Variants in PARM1 observed in about 807,000 individuals in gnomAD.
PARM1 encodes the protein prostate androgen-regulated mucin-like protein 1.
Under a neutral mutation model 24.6 loss-of-function variants are expected in PARM1, and 14 were observed. The observed-to-expected ratio is 0.57, with a 90% CI of 0.38 to 0.89. The LOEUF is 0.89. Among genes scored for constraint, PARM1 ranks in the 40% least tolerant of loss-of-function variants. PARM1 has a pLI of 0.00. For missense variants in PARM1, 362 were observed against 380.4 expected (o/e 0.95, Z 0.40); for synonymous variants, 179 against 156.6 (o/e 1.14, Z -1.07).
At chr4:74,936,461 G>GTTTTT (rs149444141) in intron 1 of PARM1, among the ~76,000 whole-genome samples, 14 of 114,396 alleles carry the variant, frequency 1.2e-4, no homozygotes, top group Non-Finnish European at 2.4e-4. Context: ...TTGTTTTTTT[G>GTTTTT]TTTTTTTTTT....
At chr4:74,993,640 GT>G (rs1722519926) in intron 1 of PARM1, among the ~76,000 whole-genome samples, 1 of 152,104 alleles carries the variant, frequency 6.6e-6, no homozygotes, top group African/African-American at 2.4e-5. Context: ...ATAATTGAGT[GT>G]TTCAGGTAAA....
chr4:74,940,516 G>A (rs1324434686), intron 1 of PARM1, among the ~76,000 whole-genome samples: 1 of 152,128 alleles, frequency 6.6e-6, no homozygotes, highest in Non-Finnish European at 1.5e-5. Context: ...AGCCCTCTGG[G>A]GCCTCTTTTA....
At chr4:74,983,239 A>C (rs1722292937) in intron 1 of PARM1, among the ~76,000 whole-genome samples, 1 of 152,228 alleles carries the variant, frequency 6.6e-6, no homozygotes, top group Non-Finnish European at 1.5e-5. Context: ...TGGTCACTGA[A>C]TATGGTCTGG....
intron 1 of PARM1, among the ~76,000 whole-genome samples, chr4:74,958,094 G>C (rs1721681511): frequency 6.6e-6 from 1 of 152,194 alleles, no homozygotes; most frequent in Admixed American, 6.5e-5. Context: ...CTCCCTGCCT[G>C]AAGGTGGTGG....
In PARM1 at chr4:75,048,625, C is replaced by G. The variant is rs1723658514; in HGVS notation, c.*2378C>G. The G allele has an allele frequency of 6.6e-6, 1 of 152,438 alleles. No individual in the cohort carries two copies. The highest frequency in any genetic ancestry group is 6.5e-5 in the Admixed American group (1 of 15,280). The allele number at this position is 152,438 out of a possible 1,614,324, so 9.4% of individuals were successfully genotyped here. On this transcript the variant is annotated 3_prime_UTR_variant, in exon 4 of 4. Coordinates refer to ENST00000307428, the MANE Select transcript of PARM1 (RefSeq NM_015393.4). ...TCCTGGGGCAAGGGATCAGCCTCTT[C>G]CCAGGAACCATCGCCTTCTATAAAC...
intron 1 of PARM1, among the ~76,000 whole-genome samples, chr4:74,984,692 A>G (rs558183833): frequency 1.3e-5 from 2 of 152,242 alleles, no homozygotes; most frequent in Non-Finnish European, 2.9e-5. Flanking sequence ...TGTCATTAAC[A>G]TAGCGTAGAC....
chr4:75,015,285 C>T (rs1475401631), intron 2 of PARM1, among the ~76,000 whole-genome samples: 1 of 152,154 alleles, frequency 6.6e-6, no homozygotes, highest in Non-Finnish European at 1.5e-5. Context: ...TCTTGATTTC[C>T]TCAACTCTAG....
At chr4:74,950,450 C>T (rs1700665620) in intron 1 of PARM1, among the ~76,000 whole-genome samples, 1 of 152,158 alleles carries the variant, frequency 6.6e-6, no homozygotes, top group Admixed American at 6.5e-5. Context: ...GTCCAAACTT[C>T]CCTCTTACAA....
At chr4:75,004,557 T>G (rs777831026) in intron 1 of PARM1, among the ~76,000 whole-genome samples, 2 of 152,122 alleles carry the variant, frequency 1.3e-5, no homozygotes, top group Non-Finnish European at 2.9e-5. Flanking sequence ...CATGGGATAC[T>G]CCAGGAGCTT....
At chr4:74,975,280 A>G (rs759971518) in intron 1 of PARM1, among the ~76,000 whole-genome samples, 17 of 152,252 alleles carry the variant, frequency 1.1e-4, no homozygotes, top group Non-Finnish European at 2.2e-4. Flanking sequence ...AGTCATAACA[A>G]GACACTGCAG....
rs1400907038 is a variant in PARM1 at position 75,013,095 on chromosome 4, C to T, written c.714C>T (p.Thr238=). The change falls in exon 2 of 4, where the codon ACC becomes ACT. Residue 238 remains threonine, a synonymous_variant. Coordinates refer to ENST00000307428, the MANE Select transcript of PARM1 (RefSeq NM_015393.4). ...TGTGTGAGCTCATAGACATGGAGAC[C>T]ACCACCACCTTTCCCAGGGTGATCA... ...KVMCELIDME[T]TTTFPRVIMQ... 1 of 1,613,886 alleles carries T rather than the reference C, an allele frequency of 6.2e-7. No homozygotes were observed. Among genetic ancestry groups the T allele is most frequent in the Non-Finnish European group, 8.5e-7 (1 of 1,179,836 alleles).
chr4:74,997,083 C>T (rs17000058), intron 1 of PARM1, among the ~76,000 whole-genome samples: 4,990 of 152,288 alleles, frequency 0.033, 274 homozygotes, highest in African/African-American at 0.11. Flanking sequence ...CTACACCAGG[C>T]TGACATGCTT....
intron 1 of PARM1, among the ~76,000 whole-genome samples, chr4:75,009,035 C>T (rs1480002051): frequency 6.6e-6 from 1 of 151,788 alleles, no homozygotes; most frequent in Non-Finnish European, 1.5e-5. Flanking sequence ...TAATATTTGT[C>T]CCAACTGTTG....
At chr4:74,966,656 T>G (rs1721908887) in intron 1 of PARM1, 1 of 152,278 alleles carries the variant, frequency 6.6e-6, no homozygotes, top group Non-Finnish European at 1.5e-5. Flanking sequence ...CAGCTGAAAT[T>G]CAGTCAAGGA....
At chr4:75,020,611 G>A (rs532594668) in intron 2 of PARM1, among the ~76,000 whole-genome samples, 33 of 152,024 alleles carry the variant, frequency 2.2e-4, no homozygotes, top group African/African-American at 8.0e-4. Flanking sequence ...CTCAGCCCCT[G>A]GGGGCACTCC....
At chr4:74,940,945 A>T (rs1320872016) in intron 1 of PARM1, among the ~76,000 whole-genome samples, 1 of 152,230 alleles carries the variant, frequency 6.6e-6, no homozygotes, top group Non-Finnish European at 1.5e-5. Flanking sequence ...ATATCTCAGA[A>T]TTACAACATG....
intron 3 of PARM1, among the ~76,000 whole-genome samples, chr4:75,035,299 T>G (rs1723348879): frequency 6.6e-6 from 1 of 152,196 alleles, no homozygotes; most frequent in Non-Finnish European, 1.5e-5. Flanking sequence ...CCACAAAAAA[T>G]GTAAGGTCCT....
chr4:74,961,814 T>C (rs143926544), intron 1 of PARM1, among the ~76,000 whole-genome samples: 36 of 152,288 alleles, frequency 2.4e-4, no homozygotes, highest in African/African-American at 8.7e-4. Flanking sequence ...AAAGAAATGC[T>C]AAAAGAAGTC....
rs1722411419 is a variant in PARM1, at chr4:74,989,024, T to C, written c.44-23401T>C. On this transcript the variant is annotated intron_variant, in intron 1 of 3. Transcript: ENST00000307428. ...AGAAGTCCTATAAGCAGTTTGTCTT[T>C]GAGGGCGTCCAAGGATAGAGAGGAA... Among the ~76,000 whole-genome samples, 8 of 152,180 alleles carry C rather than the reference T, an allele frequency of 5.3e-5. No individual in the cohort carries two copies. In the South Asian group the frequency reaches 1.7e-3, roughly 32 times the overall value.
Sources: gnomAD v4.1 joint callset for allele counts (sites outside exome capture counted in the v4.1 genomes callset) on GRCh38, gnomAD v4.1.1 for gene constraint, MANE v1.5 for transcripts, NCBI Gene and HGNC (gene_info 2026-07-23, HGNC 2026-07-21) for gene names.